Variants in FHIP1A observed in about 807,000 individuals in gnomAD.
FHIP1A encodes FHF complex subunit HOOK-interacting protein 1A.
In FHIP1A, 61 loss-of-function variants were observed where a neutral mutation model predicts 88.6. The observed-to-expected ratio is 0.69, with a 90% CI of 0.56 to 0.85. FHIP1A has a LOEUF of 0.85. Ranked by LOEUF, FHIP1A falls within the 40% of genes least tolerant of loss-of-function variation. FHIP1A has a pLI of 0.00. For missense variants in FHIP1A, 1,154 were observed against 1,273.5 expected (o/e 0.91, Z 1.43); for synonymous variants, 478 against 496.0 (o/e 0.96, Z 0.48).
intron 1 of FHIP1A, among the ~76,000 whole-genome samples, chr4:151,445,526 A>G (rs879539922): frequency 5.9e-5 from 9 of 152,012 alleles, no homozygotes; most frequent in Non-Finnish European, 1.3e-4. Flanking sequence ...GATTCTGATG[A>G]CAACCAGCCC....
At chr4:151,440,196 TG>T (rs1179347609) in intron 1 of FHIP1A, among the ~76,000 whole-genome samples, 2 of 152,014 alleles carry the variant, frequency 1.3e-5, no homozygotes, top group Non-Finnish European at 2.9e-5. Context: ...GAGAACAGAA[TG>T]GGGGGGAACT....
intron 3 of FHIP1A, among the ~76,000 whole-genome samples, chr4:151,523,300 T>C (rs1203772343): frequency 2.0e-5 from 3 of 152,226 alleles, no homozygotes; most frequent in Non-Finnish European, 4.4e-5. Context: ...TCTCAGCTAA[T>C]GGTAAGCATA....
At chr4:151,654,791 A>C (rs2126920784) in intron 11 of FHIP1A, among the ~76,000 whole-genome samples, 1 of 152,326 alleles carries the variant, frequency 6.6e-6, no homozygotes, top group South Asian at 2.1e-4. Flanking sequence ...ATCTTCAAAG[A>C]GTCTCTATCT....
intron 3 of FHIP1A, among the ~76,000 whole-genome samples, chr4:151,530,850 T>G (rs1222680681): frequency 6.6e-6 from 1 of 152,182 alleles, no homozygotes; most frequent in Non-Finnish European, 1.5e-5. Context: ...ACAAAAACAC[T>G]TAGCATAGTG....
chr4:151,462,234 T>C (rs1729166302), intron 2 of FHIP1A, among the ~76,000 whole-genome samples: 1 of 152,168 alleles, frequency 6.6e-6, no homozygotes, highest in Non-Finnish European at 1.5e-5. Flanking sequence ...TTAAGGTCCT[T>C]ATTTTGCTCC....
At position 151,605,375 on chromosome 4, in the gene FHIP1A, G is replaced by A. The variant is rs191199915; in HGVS notation, c.978+16449G>A. Among the ~76,000 whole-genome samples, 40 of 152,246 alleles carry A rather than the reference G, an allele frequency of 2.6e-4. No individual in the cohort carries two copies. In the East Asian group the frequency reaches 4.4e-3, roughly 17 times the overall value. ...GTGCTGAAGTAAGAGGTAGATGGAAGGGAAGATAATTACATACCATCCCTT... is the reference window on the plus strand; with the variant it reads ...GTGCTGAAGTAAGAGGTAGATGGAAAGGAAGATAATTACATACCATCCCTT... On this transcript the variant is annotated intron_variant, in intron 7 of 13. Coordinates refer to ENST00000435205, the MANE Select transcript of FHIP1A (RefSeq NM_001109977.3).
rs1406264036 is a variant in FHIP1A at position 151,656,171 on chromosome 4, TGTCAGGGAAAG to T, written c.2552-59_2552-49del. ...GATGTGGCACCGATGGTTCTGCAATTGTCAGGGAAAGGCATCCCTGTGAGCCCAGCCAGCCC... is the reference window on the plus strand; with the variant it reads ...GATGTGGCACCGATGGTTCTGCAATTGCATCCCTGTGAGCCCAGCCAGCCC... On this transcript the variant is annotated intron_variant, in intron 11 of 13. Coordinates refer to ENST00000435205, the MANE Select transcript of FHIP1A (RefSeq NM_001109977.3). The surrounding 1 kb of genome is among the most constrained non-coding windows in gnomAD (Gnocchi z 4.2). 1 of 1,368,068 alleles carries T rather than the reference TGTCAGGGAAAG, an allele frequency of 7.3e-7. No homozygotes were observed. Among genetic ancestry groups the T allele is most frequent in the Non-Finnish European group, 1.0e-6 (1 of 988,368 alleles). The allele number at this position is 1,368,068 out of a possible 1,614,324, so 84.7% of individuals were successfully genotyped here.
chr4:151,639,236 A>G (rs1473313681), intron 9 of FHIP1A, among the ~76,000 whole-genome samples: 1 of 152,254 alleles, frequency 6.6e-6, no homozygotes, highest in African/African-American at 2.4e-5. Context: ...AGTTAAATTC[A>G]GTAAAAATTT....
chr4:151,431,225 G>C (rs1213448617), intron 1 of FHIP1A, among the ~76,000 whole-genome samples: 1 of 152,114 alleles, frequency 6.6e-6, no homozygotes, highest in African/African-American at 2.4e-5. Flanking sequence ...GTGAATCTCA[G>C]TCAATCCTGA....
intron 1 of FHIP1A, among the ~76,000 whole-genome samples, chr4:151,429,175 A>G (rs1031791186): frequency 1.3e-5 from 2 of 152,062 alleles, no homozygotes; most frequent in Non-Finnish European, 2.9e-5. Context: ...TATAATTTAT[A>G]TGCTTACATA....
At chr4:151,601,957 G>A (rs1023602312) in intron 7 of FHIP1A, among the ~76,000 whole-genome samples, 7 of 151,984 alleles carry the variant, frequency 4.6e-5, no homozygotes, top group African/African-American at 1.5e-4. Flanking sequence ...CATGGATGGC[G>A]GCAGGCATAG....
chr4:151,487,109 G>A (rs1255023747), intron 3 of FHIP1A, among the ~76,000 whole-genome samples: 2 of 152,060 alleles, frequency 1.3e-5, no homozygotes, highest in East Asian at 1.9e-4. Context: ...CTTTCAAATA[G>A]TAAACCTTAA....
At chr4:151,582,851 T>C (rs1239724828) in intron 5 of FHIP1A, among the ~76,000 whole-genome samples, 6 of 152,174 alleles carry the variant, frequency 3.9e-5, no homozygotes, top group African/African-American at 1.4e-4. Flanking sequence ...ACATCTATAT[T>C]TAAACTTTTA....
chr4:151,515,077 C>T (rs947045189), intron 3 of FHIP1A, among the ~76,000 whole-genome samples: 10 of 152,040 alleles, frequency 6.6e-5, no homozygotes, highest in African/African-American at 2.4e-4. Context: ...CAAACTGAAT[C>T]CAGCAGCACA....
Position 151,656,217 on chromosome 4 carries a change from G to A in FHIP1A, c.2552-15G>A. The A allele has an allele frequency of 3.2e-6, 5 of 1,549,634 alleles. No individual in the cohort carries two copies. The highest frequency in any genetic ancestry group is 4.4e-6 in the Non-Finnish European group (5 of 1,145,256). On this transcript the variant is annotated splice_polypyrimidine_tract_variant and intron_variant, in intron 11 of 13. Transcript: ENST00000435205. The surrounding 1 kb of genome is among the most constrained non-coding windows in gnomAD (Gnocchi z 4.2). ...TGAGCCCAGCCAGCCCTGAAGCCTT[G>A]TGTTCTTCCTGCAGGCCCATTCATC...
chr4:151,594,409 T>C (rs779851258), intron 7 of FHIP1A, among the ~76,000 whole-genome samples: 28 of 152,062 alleles, frequency 1.8e-4, no homozygotes, highest in Non-Finnish European at 2.9e-4. Flanking sequence ...GTTAACTTGT[T>C]ATTGGTCTGT....
At chr4:151,595,784 C>T (rs143918050) in intron 7 of FHIP1A, among the ~76,000 whole-genome samples, 7,088 of 152,076 alleles carry the variant, frequency 0.047, 524 homozygotes, top group African/African-American at 0.16. Flanking sequence ...ATGTAATGCC[C>T]TTCTTTGTCT....
intron 2 of FHIP1A, among the ~76,000 whole-genome samples, chr4:151,459,148 C>T (rs1004562517): frequency 6.6e-6 from 1 of 152,014 alleles, no homozygotes; most frequent in Non-Finnish European, 1.5e-5. Flanking sequence ...TTGCATAAAC[C>T]TCACAGAGCC....
At chr4:151,494,335 A>G (rs1157470761) in intron 3 of FHIP1A, among the ~76,000 whole-genome samples, 2 of 152,072 alleles carry the variant, frequency 1.3e-5, no homozygotes, top group African/African-American at 4.8e-5. Context: ...ATTCACCTTG[A>G]GTTGATTTTT....
Sources: gnomAD v4.1 joint callset for allele counts (sites outside exome capture counted in the v4.1 genomes callset) on GRCh38, gnomAD v4.1.1 for gene constraint, Gnocchi (gnomAD v3.1) non-coding constraint, MANE v1.5 for transcripts, NCBI Gene and HGNC (gene_info 2026-07-23, HGNC 2026-07-21) for gene names.